DST: variants seen among roughly 807,000 people sequenced by gnomAD.
DST encodes the protein dystonin.
Under a neutral mutation model 875.2 loss-of-function variants are expected in DST, and 253 were observed. The ratio of observed to expected loss-of-function variants is 0.29; its 90% confidence interval spans 0.26 to 0.32. The LOEUF (loss-of-function observed/expected upper bound fraction) is 0.32, where lower values mean the gene tolerates loss of function less well. Among genes scored for constraint, DST ranks in the 10% least tolerant of loss-of-function variants. The probability of loss-of-function intolerance (pLI) is 1.00; values close to 1 mark genes in which losing one functional copy is unlikely to be tolerated. For synonymous variants in DST, 3,124 were observed against 3,197.1 expected, an observed-to-expected ratio of 0.98 and a Z score of 0.77; for missense variants, 8,287 against 9,111.6, an observed-to-expected ratio of 0.91 and a Z score of 3.68.
At chr6:56,834,777 C>G (rs1231682776) in intron 4 of DST, among the ~76,000 whole-genome samples, 3 of 152,134 alleles carry the variant, frequency 2.0e-5, no homozygotes, top group Non-Finnish European at 4.4e-5. Context: ...AAACAGTACA[C>G]CCACTTTGGA....
At position 56,555,854 on chromosome 6, in the gene DST, G is replaced by T. The variant is rs1438892633; in HGVS notation, c.14641-14C>A. ...TTGCAGCAAAATCTAAGGTAACAAG[G>T]GTAAACAAACGCAAATTATTATATA... On this transcript the variant is annotated splice_polypyrimidine_tract_variant and intron_variant, in intron 59 of 103. Transcript: ENST00000680361. 1 of 1,468,636 alleles carries T rather than the reference G, an allele frequency of 6.8e-7. No homozygotes were observed. The highest frequency in any genetic ancestry group is 9.0e-7 in the Non-Finnish European group (1 of 1,107,326). 91.0% of individuals were successfully genotyped at this position (1,468,636 alleles called of 1,614,324 possible).
At chr6:56,629,481 A>G in intron 31 of DST, 38 bp from the exon 32 acceptor site, 1 of 1,461,240 alleles carries the variant, frequency 6.8e-7, no homozygotes, top group Non-Finnish European at 9.6e-7. Context: ...TAAAAATGTT[A>G]ACCACTCACT....
Position 56,604,565 on chromosome 6 carries a change from C to T in DST, c.10063G>A (p.Val3355Ile), listed in dbSNP as rs2098477097. ...PELSQVFVED[V>I]KDILKSRLKE... is the part of the protein sequence containing the mutation. ...AACCTGCTTTTTAAGATATCCTTTA[C>T]ATCCTCCACAAATACCTGAGACAAT... Residue 3355 changes from valine (V) to isoleucine (I), a missense_variant, in exon 40 of 104, where the codon GTA becomes ATA. Val to Ile is a conservative substitution (Grantham distance 29). Coordinates refer to ENST00000680361, the MANE Select transcript of DST (RefSeq NM_001374736.1). 4 of 1,612,100 alleles carry T rather than the reference C, an allele frequency of 2.5e-6. No homozygotes were observed. Among genetic ancestry groups the T allele is most frequent in the Non-Finnish European group, 3.4e-6 (4 of 1,178,982 alleles).
At position 56,498,008 on chromosome 6, in the gene DST, C is replaced by T. The variant is rs754970520; in HGVS notation, c.19942G>A (p.Val6648Ile). Residue 6648 changes from valine to isoleucine, a missense_variant, in exon 81 of 104, where the codon GTT becomes ATT. Coordinates refer to ENST00000680361, the MANE Select transcript of DST (RefSeq NM_001374736.1). ...VLAHQSTVEA[V>I]NKAGNDLIES... ...ATTAGATCATTTCCTGCTTTATTAA[C>T]GGCTTCCACTGTGGACTGATGGGCT... The T allele has an allele frequency of 6.8e-6, 11 of 1,613,294 alleles. No homozygotes were observed. The highest frequency in any genetic ancestry group is 1.1e-5 in the South Asian group (1 of 91,054).
chr6:56,906,401 T>G (rs1397892974), intron 2 of DST, among the ~76,000 whole-genome samples: 1 of 152,198 alleles, frequency 6.6e-6, no homozygotes, highest in East Asian at 1.9e-4. Flanking sequence ...CACAGGTGGA[T>G]GCCTGCAGGA....
intron 34 of DST, among the ~76,000 whole-genome samples, chr6:56,625,955 C>G (rs111610813): frequency 1.8e-5 from 1 of 55,496 alleles, no homozygotes; most frequent in East Asian, 5.5e-4. Flanking sequence ...TAGGCTTTAA[C>G]AAAGAAGTTT....
chr6:56,568,354 T>G, intron 55 of DST, 115 bp downstream of exon 55: 2 of 1,153,212 alleles, frequency 1.7e-6, no homozygotes. Context: ...CTTGTCACTT[T>G]CACTTTGTAT....
At chr6:56,612,772 C>T (rs533954052) in intron 37 of DST, among the ~76,000 whole-genome samples, 79 of 152,280 alleles carry the variant, frequency 5.2e-4, no homozygotes, top group African/African-American at 1.7e-3. Flanking sequence ...TTATAATTAA[C>T]GCCATTATCT....
At chr6:56,727,209 C>T (rs2099464970) in intron 5 of DST, among the ~76,000 whole-genome samples, 1 of 152,196 alleles carries the variant, frequency 6.6e-6, no homozygotes, top group Non-Finnish European at 1.5e-5. Context: ...GACCTGGAAG[C>T]CACCTCCCCA....
chr6:56,677,409 T>TG (rs1011691326), intron 9 of DST, among the ~76,000 whole-genome samples: 1 of 152,134 alleles, frequency 6.6e-6, no homozygotes, highest in Non-Finnish European at 1.5e-5. Flanking sequence ...CTCAAACTCC[T>TG]GGGCTCAACT....
intron 2 of DST, among the ~76,000 whole-genome samples, chr6:56,902,529 G>C (rs1301284815): frequency 1.3e-5 from 2 of 152,178 alleles, no homozygotes; most frequent in African/African-American, 4.8e-5. Context: ...AAAAAGGAGG[G>C]GGTTAACCCC....
rs113693553 is a variant in DST, at chr6:56,562,206, A to G, written c.14006-6T>C. On this transcript the variant is annotated splice_region_variant and splice_polypyrimidine_tract_variant and intron_variant, in intron 55 of 103. Coordinates refer to ENST00000680361, the MANE Select transcript of DST (RefSeq NM_001374736.1). Reference sequence around the variant, plus strand: ...ACCATTTAATACTGCTCCACCTGCAAAAATAGTAACACTAAAATAATCACA... The same window carrying G: ...ACCATTTAATACTGCTCCACCTGCAGAAATAGTAACACTAAAATAATCACA... The G allele has an allele frequency of 5.3e-3, 8,105 of 1,526,908 alleles. 325 individuals carry two copies. In the African/African-American group the frequency reaches 0.094, roughly 18 times the overall value. The allele number at this position is 1,526,908 out of a possible 1,614,324, so 94.6% of individuals were successfully genotyped here. A position where few individuals can be genotyped will look rare whatever the true frequency, so the allele number is the denominator to read the frequency against.
chr6:56,940,210 A>G (rs1301631067), intron 2 of DST, among the ~76,000 whole-genome samples: 1 of 151,334 alleles, frequency 6.6e-6, no homozygotes, highest in South Asian at 2.1e-4. Context: ...ACACACACAC[A>G]CACACACACA....
chr6:56,733,742 C>A (rs1451260405), intron 5 of DST, among the ~76,000 whole-genome samples: 2 of 151,590 alleles, frequency 1.3e-5, no homozygotes, highest in Non-Finnish European at 2.9e-5. Context: ...ACATAATATA[C>A]CTTTTACAAA....
intron 9 of DST, among the ~76,000 whole-genome samples, chr6:56,672,483 A>T (rs907886030): frequency 6.6e-6 from 1 of 152,176 alleles, no homozygotes; most frequent in African/African-American, 2.4e-5. Flanking sequence ...ACATAGAAGA[A>T]ATTTCTTTTT....
chr6:56,513,128 G>A (rs1481703494), intron 72 of DST, among the ~76,000 whole-genome samples: 1 of 152,104 alleles, frequency 6.6e-6, no homozygotes, highest in Non-Finnish European at 1.5e-5. Context: ...CAAATAAAAT[G>A]CTACATCTCT....
At chr6:56,636,426 G>A (rs939567467) in intron 23 of DST, 131 bp downstream of exon 23, 8 of 695,730 alleles carry the variant, frequency 1.1e-5, no homozygotes, top group African/African-American at 9.0e-5. Context: ...ACATATATGT[G>A]TATATATATA....
At chr6:56,474,077 G>C (rs1305008184) in intron 92 of DST, 75 bp from the exon 93 acceptor site, 1 of 1,258,472 alleles carries the variant, frequency 7.9e-7, no homozygotes, top group Non-Finnish European at 1.1e-6. Flanking sequence ...ACTAAAAGCA[G>C]AAGGATAAAA....
intron 36 of DST, chr6:56,619,944 GTTC>G (rs780085037): frequency 1.2e-6 from 2 of 1,613,926 alleles, no homozygotes; most frequent in Non-Finnish European, 1.7e-6. Context: ...TGCTGTTTGA[GTTC>G]TTCTGCTTTC....
Sources: allele counts gnomAD v4.1 joint callset (sites outside exome capture counted in the v4.1 genomes callset), GRCh38; gene constraint gnomAD v4.1.1; transcripts MANE v1.5; gene names NCBI Gene and HGNC (gene_info 2026-07-23, HGNC 2026-07-21).